Variants in CAPN8 observed in about 807,000 individuals in gnomAD.
CAPN8 encodes the protein calpain-8.
CAPN8 carries 87 observed loss-of-function variants against 80.9 expected under a neutral mutation model. That is an observed-to-expected ratio of 1.07 (90% CI 0.90 to 1.28). The LOEUF (loss-of-function observed/expected upper bound fraction) is 1.28. Among genes scored for constraint, CAPN8 ranks in the 50% most tolerant of loss-of-function variants. CAPN8 has a pLI of 0.00. For missense variants in CAPN8, 757 were observed against 702.0 expected, an observed-to-expected ratio of 1.08 and a Z score of -0.89; for synonymous variants, 299 against 273.8, an observed-to-expected ratio of 1.09 and a Z score of -0.91.
chr1:223,661,233 A>G (rs1386874239), intron 1 of CAPN8, among the ~76,000 whole-genome samples: 3 of 152,208 alleles, frequency 2.0e-5, no homozygotes, highest in Non-Finnish European at 4.4e-5. Context: ...CAAATGGTCA[A>G]TAAGCACATG....
chr1:223,547,012 C>T (rs185583016), intron 16 of CAPN8, among the ~76,000 whole-genome samples: 15 of 152,302 alleles, frequency 9.8e-5, no homozygotes, highest in Non-Finnish European at 2.2e-4. Flanking sequence ...CTCCCAGGCT[C>T]AAGCGATTCT....
At chr1:223,622,766 C>A (rs1391320952) in intron 7 of CAPN8, 49 bp downstream of exon 7, 1 of 1,411,250 alleles carries the variant, frequency 7.1e-7, no homozygotes, top group Non-Finnish European at 9.8e-7. Context: ...TACACGACAC[C>A]CTTCCGCAGA....
intron 19 of CAPN8, among the ~76,000 whole-genome samples, chr1:223,543,710 C>T (rs1028917389): frequency 1.3e-5 from 2 of 152,200 alleles, no homozygotes; most frequent in African/African-American, 2.4e-5. Context: ...AATATGATCC[C>T]TATTGAAAAA....
intron 1 of CAPN8, among the ~76,000 whole-genome samples, chr1:223,659,074 C>T (rs1180754889): frequency 6.6e-6 from 1 of 152,080 alleles, no homozygotes; most frequent in Admixed American, 6.5e-5. Context: ...ATTACTCAAG[C>T]GAGGATCTCA....
intron 2 of CAPN8, among the ~76,000 whole-genome samples, chr1:223,650,740 C>T (rs1243591711): frequency 1.3e-5 from 2 of 152,088 alleles, no homozygotes; most frequent in Non-Finnish European, 2.9e-5. Context: ...TTTCCTTAAG[C>T]TATTAATAGT....
intron 13 of CAPN8, among the ~76,000 whole-genome samples, chr1:223,554,238 G>A (rs1656858455): frequency 6.6e-6 from 1 of 152,206 alleles, no homozygotes. Flanking sequence ...AAATCTTGGT[G>A]TGAATCTGTG....
At chr1:223,635,535 C>A (rs1657894048) in intron 2 of CAPN8, among the ~76,000 whole-genome samples, 1 of 152,222 alleles carries the variant, frequency 6.6e-6, no homozygotes, top group Non-Finnish European at 1.5e-5. Flanking sequence ...TCTCACAGAC[C>A]CCAGCATAAA....
chr1:223,545,458 T>C (rs1656595898), intron 16 of CAPN8, 159 bp from the exon 17 acceptor site: 3 of 1,194,250 alleles, frequency 2.5e-6, no homozygotes, highest in Non-Finnish European at 3.4e-6. Flanking sequence ...CAGGTTCAAA[T>C]AAAGATTAAA....
chr1:223,542,499 A>G (rs890222665), intron 20 of CAPN8, among the ~76,000 whole-genome samples: 2 of 152,160 alleles, frequency 1.3e-5, no homozygotes, highest in African/African-American at 2.4e-5. Flanking sequence ...GGGCACAGCC[A>G]GTAATAACCT....
At chr1:223,640,978 C>A (rs1274063605) in intron 2 of CAPN8, among the ~76,000 whole-genome samples, 2 of 151,958 alleles carry the variant, frequency 1.3e-5, no homozygotes, top group African/African-American at 4.8e-5. Flanking sequence ...TACCACTGAC[C>A]AAGAAGAAGT....
intron 1 of CAPN8, among the ~76,000 whole-genome samples, chr1:223,655,546 C>T (rs1464164917): frequency 3.9e-5 from 6 of 152,108 alleles, no homozygotes; most frequent in African/African-American, 1.4e-4. Context: ...TAGTTCTTGG[C>T]CTCAAGGTGC....
At chr1:223,620,352 A>G (rs1270545465) in intron 7 of CAPN8, 86 bp from the exon 8 acceptor site, 6 of 1,202,174 alleles carry the variant, frequency 5.0e-6, no homozygotes, top group Non-Finnish European at 7.2e-6. Flanking sequence ...CTTCCCCCTA[A>G]GAGCCAGAAA....
At chr1:223,618,545 C>T (rs1412513935) in intron 9 of CAPN8, among the ~76,000 whole-genome samples, 4 of 152,220 alleles carry the variant, frequency 2.6e-5, no homozygotes, top group African/African-American at 7.2e-5. Flanking sequence ...ATGTTGTACC[C>T]GTGTTCCCCT....
At chr1:223,543,905 G>T (rs145952553) in intron 19 of CAPN8, among the ~76,000 whole-genome samples, 162 bp downstream of exon 19, 1 of 152,300 alleles carries the variant, frequency 6.6e-6, no homozygotes, top group East Asian at 1.9e-4. Context: ...AGGTCCAGCT[G>T]CCCCTCGCCC....
chr1:223,626,032 A>T, intron 5 of CAPN8, 144 bp from the exon 6 acceptor site: 1 of 622,416 alleles, frequency 1.6e-6, no homozygotes, highest in African/African-American at 1.8e-5. Context: ...AACCTCAGGT[A>T]AAGAGTCATC....
At chr1:223,654,280 TACAC>T in intron 2 of CAPN8, 46 bp downstream of exon 2, 1 of 1,489,098 alleles carries the variant, frequency 6.7e-7, no homozygotes, top group Non-Finnish European at 9.2e-7. Flanking sequence ...TCATGACACA[TACAC>T]ACCCGCCCTC....
chr1:223,547,282 A>G (rs1656649614), intron 16 of CAPN8, among the ~76,000 whole-genome samples: 1 of 152,164 alleles, frequency 6.6e-6, no homozygotes, highest in Non-Finnish European at 1.5e-5. Context: ...TGTATTTTTA[A>G]CACCCCATGG....
At chr1:223,555,357 C>A in intron 13 of CAPN8, among the ~76,000 whole-genome samples, 1 of 152,348 alleles carries the variant, frequency 6.6e-6, no homozygotes, top group South Asian at 2.1e-4. Context: ...AGAGAAGATG[C>A]TCCCTGCATC....
intron 2 of CAPN8, among the ~76,000 whole-genome samples, chr1:223,634,581 A>T (rs921594742): frequency 6.6e-6 from 1 of 152,200 alleles, no homozygotes; most frequent in East Asian, 1.9e-4. Context: ...CTTAGAAACA[A>T]CAACACAAGT....
Sources: allele counts gnomAD v4.1 joint callset (sites outside exome capture counted in the v4.1 genomes callset), GRCh38; gene constraint gnomAD v4.1.1; transcripts MANE v1.5; gene names NCBI Gene and HGNC (gene_info 2026-07-23, HGNC 2026-07-21).